The following PPM1B variants were observed in gnomAD, a reference collection of about 807,000 sequenced individuals.
PPM1B encodes protein phosphatase, Mg2+/Mn2+ dependent 1B, also known as protein phosphatase 1B.
A neutral mutation model predicts 43.0 loss-of-function variants in PPM1B; 22 were observed. The observed-to-expected ratio is 0.51, with a 90% CI of 0.37 to 0.73. PPM1B has a LOEUF of 0.73. Among genes scored for constraint, PPM1B ranks in the 30% least tolerant of loss-of-function variants. The pLI is 0.00. For synonymous variants in PPM1B, 217 were observed against 197.9 expected, an observed-to-expected ratio of 1.10 and a Z score of -0.81; for missense variants, 632 against 584.2, an observed-to-expected ratio of 1.08 and a Z score of -0.84.
chr2:44,232,780 G>A, downstream of PPM1B: 1 of 986,486 alleles, frequency 1.0e-6, no homozygotes, highest in Non-Finnish European at 1.2e-6. Flanking sequence ...AGTTCACCAA[G>A]TTGGAAGCCT....
chr2:44,183,372 C>T (rs947671158), intron 1 of PPM1B, among the ~76,000 whole-genome samples: 2 of 152,182 alleles, frequency 1.3e-5, no homozygotes, highest in African/African-American at 4.8e-5. Context: ...GAACATTCTT[C>T]CCGTGTGGTT....
chr2:44,210,245 C>G (rs1357076938), intron 3 of PPM1B, among the ~76,000 whole-genome samples: 1 of 132,776 alleles, frequency 7.5e-6, no homozygotes, highest in Admixed American at 8.3e-5. Flanking sequence ...GAGATAGGGT[C>G]TTGCTCTGTT....
rs1294834534 is a variant in PPM1B at position 44,168,917 on chromosome 2, G to C, written c.-372G>C. ...GCTTCTGCTCAATGGCGGAAAAGCC[G>C]CCGGTGCTCTGACGGCCTCGTTCCC... On this transcript the variant is annotated 5_prime_UTR_variant, in exon 1 of 6. Transcript: ENST00000282412. 1 of 153,216 alleles carries C rather than the reference G, an allele frequency of 6.5e-6. No individual in the cohort carries two copies. The highest frequency in any genetic ancestry group is 1.9e-4 in the South Asian group (1 of 5,166). 9.5% of individuals were successfully genotyped at this position (153,216 alleles called of 1,614,324 possible).
downstream of PPM1B, chr2:44,234,773 C>A: frequency 4.9e-6 from 1 of 205,278 alleles, no homozygotes; most frequent in Non-Finnish European, 8.6e-6. Context: ...GAAATTAAAG[C>A]TGAGAAATTA....
intron 1 of PPM1B, among the ~76,000 whole-genome samples, chr2:44,179,024 GTTCT>G (rs1284684769): frequency 6.6e-6 from 1 of 152,196 alleles, no homozygotes; most frequent in Admixed American, 6.5e-5. Context: ...ATTCCCAGGT[GTTCT>G]GAGAGGGACC....
chr2:44,201,963 G>A lies in PPM1B; in HGVS notation c.764G>A (p.Cys255Tyr), dbSNP rs1558409072. 1 of 1,614,078 alleles carries A rather than the reference G, an allele frequency of 6.2e-7. No individual in the cohort carries two copies. The highest frequency in any genetic ancestry group is 1.7e-5 in the Admixed American group (1 of 60,018). ...IWDVMSNEEL[C>Y]EYVKSRLEVS... ...GATGTTATGAGTAATGAGGAGCTCT[G>A]TGAATATGTTAAATCTAGGCTTGAG... Residue 255 changes from cysteine to tyrosine, a missense_variant, in exon 2 of 6, where the codon TGT (cysteine) becomes TAT (tyrosine). By Grantham distance (194) the Cys-to-Tyr change is radical (BLOSUM62 -2). This residue lies in a region of PPM1B where 392 missense variants were observed against 302.7 expected (regional missense o/e 1.29). Coordinates refer to ENST00000282412, the MANE Select transcript of PPM1B (RefSeq NM_002706.6). This position sits in a 1 kb window ranked among gnomAD's most constrained non-coding sequence, Gnocchi z 5.4.
intron 1 of PPM1B, among the ~76,000 whole-genome samples, chr2:44,188,759 CTTCT>C (rs1245937634): frequency 1.4e-5 from 2 of 146,826 alleles, no homozygotes; most frequent in Non-Finnish European, 3.0e-5. Context: ...TCCTTCCTTC[CTTCT>C]TTCCTTCCTT....
intron 2 of PPM1B, among the ~76,000 whole-genome samples, chr2:44,207,446 T>C (rs1669241033): frequency 6.6e-6 from 1 of 152,244 alleles, no homozygotes; most frequent in Non-Finnish European, 1.5e-5. Context: ...AAAATCGTTA[T>C]TCCAAGAACA....
At chr2:44,209,800 A>G (rs886244751) in intron 3 of PPM1B, among the ~76,000 whole-genome samples, 3 of 151,484 alleles carry the variant, frequency 2.0e-5, no homozygotes, top group African/African-American at 7.3e-5. Flanking sequence ...AAAAAATTCC[A>G]TAGGACAAAC....
At chr2:44,208,078 T>C (rs536352568) in intron 2 of PPM1B, among the ~76,000 whole-genome samples, 112 of 151,656 alleles carry the variant, frequency 7.4e-4, no homozygotes, top group African/African-American at 2.4e-3. Flanking sequence ...TGTGTAGAGA[T>C]GGGGTTTCAC....
chr2:44,234,215 C>T, downstream of PPM1B: 2 of 983,464 alleles, frequency 2.0e-6, no homozygotes, highest in Non-Finnish European at 2.4e-6. Context: ...AATATTTATA[C>T]TCCTTTTAAA....
intron 1 of PPM1B, among the ~76,000 whole-genome samples, chr2:44,188,759 C>CTTCT (rs1245937634): frequency 6.8e-6 from 1 of 146,826 alleles, no homozygotes. Flanking sequence ...TCCTTCCTTC[C>CTTCT]TTCTTTCCTT....
chr2:44,194,367 TC>T (rs1668555265), intron 1 of PPM1B, among the ~76,000 whole-genome samples: 1 of 152,176 alleles, frequency 6.6e-6, no homozygotes, highest in Non-Finnish European at 1.5e-5. Context: ...CTAGTGAATT[TC>T]CTCAGAGAGC....
downstream of PPM1B, among the ~76,000 whole-genome samples, chr2:44,236,405 A>AT (rs1553338521): frequency 9.9e-6 from 1 of 100,852 alleles, no homozygotes; most frequent in Non-Finnish European, 2.2e-5. Context: ...TCCGTCTCAA[A>AT]AAAAAAAAAA....
intron 3 of PPM1B, among the ~76,000 whole-genome samples, chr2:44,210,242 G>T: frequency 6.8e-6 from 1 of 147,590 alleles, no homozygotes; most frequent in African/African-American, 2.5e-5. Flanking sequence ...TTTGAGATAG[G>T]GTCTTGCTCT....
intron 5 of PPM1B, among the ~76,000 whole-genome samples, chr2:44,228,521 A>G (rs1670327282): frequency 6.6e-6 from 1 of 152,168 alleles, no homozygotes; most frequent in Non-Finnish European, 1.5e-5. Flanking sequence ...TCATTTTTCT[A>G]ATAAAACATT....
chr2:44,189,764 C>G (rs1048969731), intron 1 of PPM1B, among the ~76,000 whole-genome samples: 1 of 152,172 alleles, frequency 6.6e-6, no homozygotes, highest in Non-Finnish European at 1.5e-5. Flanking sequence ...TGTAGCCTGC[C>G]CATTGTTTTT....
At chr2:44,218,122 TA>T (rs1669811013) in intron 4 of PPM1B, 44 bp downstream of exon 4, 9 of 1,380,746 alleles carry the variant, frequency 6.5e-6, no homozygotes, top group Non-Finnish European at 9.3e-6. Context: ...TCATAATTAG[TA>T]ATTAAATAAT....
At chr2:44,219,017 T>G in intron 5 of PPM1B, 1 of 375,734 alleles carries the variant, frequency 2.7e-6, no homozygotes, top group South Asian at 2.0e-5. Context: ...TGTTGTATTA[T>G]GGGTACATGA....
Sources: gnomAD v4.1 joint callset for allele counts (sites outside exome capture counted in the v4.1 genomes callset) on GRCh38, gnomAD v4.1.1 for gene constraint, gnomAD v4.1.1 regional missense constraint, Gnocchi (gnomAD v3.1) non-coding constraint, MANE v1.5 for transcripts, NCBI Gene and HGNC (gene_info 2026-07-23, HGNC 2026-07-21) for gene names.